Variants in TAMM41 observed in about 807,000 individuals in gnomAD.
The protein encoded by TAMM41 is TAM41 mitochondrial translocator assembly and maintenance homolog, also known as phosphatidate cytidylyltransferase, mitochondrial.
A neutral mutation model predicts 44.1 loss-of-function variants in TAMM41; 36 were observed. That is an observed-to-expected ratio of 0.82 (90% CI 0.63 to 1.08). The LOEUF (loss-of-function observed/expected upper bound fraction) is 1.08, where lower values mean the gene tolerates loss of function less well. Among genes scored for constraint, TAMM41 ranks in the 50% least tolerant of loss-of-function variants. The pLI, the probability that TAMM41 is intolerant of heterozygous loss-of-function variation, is 0.00. For missense variants in TAMM41, 417 were observed against 404.3 expected (o/e 1.03, Z -0.27); for synonymous variants, 164 against 153.1 (o/e 1.07, Z -0.53).
the TAMM41 span, among the ~76,000 whole-genome samples, chr3:11,771,535 C>T: frequency 2.1e-4 from 32 of 152,126 alleles, no homozygotes; most frequent in African/African-American, 5.8e-4. Context: ...TGCTTTTTGT[C>T]GCCCAGGCTG....
the TAMM41 span, among the ~76,000 whole-genome samples, chr3:11,729,008 C>T: frequency 8.6e-6 from 1 of 116,142 alleles, no homozygotes; most frequent in African/African-American, 3.3e-5. Context: ...GACTCTGTCT[C>T]AAAAAAAAAA....
At chr3:11,831,614 T>A (rs1006858328) in intron 3 of TAMM41, among the ~76,000 whole-genome samples, 1 of 152,170 alleles carries the variant, frequency 6.6e-6, no homozygotes, top group Admixed American at 6.5e-5. Context: ...AAAATTAAGA[T>A]AGCACATAAA....
chr3:11,838,046 C>A (rs1287131394), intron 3 of TAMM41, among the ~76,000 whole-genome samples: 1 of 152,184 alleles, frequency 6.6e-6, no homozygotes, highest in Admixed American at 6.5e-5. Flanking sequence ...AGAGTCAGAT[C>A]CCACAGGTTA....
intron 6 of TAMM41, chr3:11,809,281 C>G (rs2078014753): frequency 1.9e-6 from 1 of 530,710 alleles, no homozygotes; most frequent in South Asian, 2.4e-5. Flanking sequence ...TTGTTTCTCC[C>G]TTTGACAGTG....
At chr3:11,845,576 G>A (rs1575739752) in intron 1 of TAMM41, among the ~76,000 whole-genome samples, 1 of 152,138 alleles carries the variant, frequency 6.6e-6, no homozygotes, top group East Asian at 1.9e-4. Context: ...GGTAAATTCG[G>A]GAAAAATAAC....
the TAMM41 span, among the ~76,000 whole-genome samples, chr3:11,768,951 T>C: frequency 6.6e-6 from 1 of 152,066 alleles, no homozygotes; most frequent in African/African-American, 2.4e-5. Context: ...ATTTGACAGA[T>C]GGTGAAAGGA....
At chr3:11,783,158 G>A in the TAMM41 span, among the ~76,000 whole-genome samples, 1 of 152,206 alleles carries the variant, frequency 6.6e-6, no homozygotes, top group African/African-American at 2.4e-5. Flanking sequence ...CTCATTTAGT[G>A]GTCACTTGGG....
chr3:11,836,034 G>C (rs1471118176), intron 3 of TAMM41, among the ~76,000 whole-genome samples: 2 of 146,402 alleles, frequency 1.4e-5, no homozygotes, highest in African/African-American at 5.1e-5. Flanking sequence ...GCGTCACCTA[G>C]GCTGGAGTGC....
At chr3:11,725,396 C>CTTT in the TAMM41 span, among the ~76,000 whole-genome samples, 1 of 134,650 alleles carries the variant, frequency 7.4e-6, no homozygotes, top group Non-Finnish European at 1.6e-5. Flanking sequence ...CCTTCTTTTT[C>CTTT]TTCTTCCTCT....
chr3:11,744,580 A>AG, the TAMM41 span, among the ~76,000 whole-genome samples: 4 of 151,942 alleles, frequency 2.6e-5, no homozygotes, highest in African/African-American at 9.7e-5. Context: ...CTGTAACCGC[A>AG]GCTACTCAGG....
the TAMM41 span, among the ~76,000 whole-genome samples, chr3:11,782,606 G>A: frequency 6.6e-6 from 1 of 151,764 alleles, no homozygotes; most frequent in African/African-American, 2.4e-5. Context: ...AGTAGGATAA[G>A]GATTAAGTGA....
At chr3:11,727,247 AC>A in the TAMM41 span, among the ~76,000 whole-genome samples, 1 of 152,094 alleles carries the variant, frequency 6.6e-6, no homozygotes, top group Non-Finnish European at 1.5e-5. Context: ...CTAGAATTAA[AC>A]CCTGGTGGTC....
At chr3:11,816,696 G>T (rs2078290277) in intron 5 of TAMM41, among the ~76,000 whole-genome samples, 1 of 152,082 alleles carries the variant, frequency 6.6e-6, no homozygotes, top group Non-Finnish European at 1.5e-5. Flanking sequence ...ATCCCAGGCT[G>T]GGGGGTGTTG....
At chr3:11,813,300 C>T (rs2078148131) in intron 5 of TAMM41, among the ~76,000 whole-genome samples, 1 of 152,078 alleles carries the variant, frequency 6.6e-6, no homozygotes. Context: ...GAGGCTGAAG[C>T]GGGCAGATTA....
chr3:11,774,834 C>G, the TAMM41 span, among the ~76,000 whole-genome samples: 3 of 151,610 alleles, frequency 2.0e-5, no homozygotes, highest in Non-Finnish European at 4.4e-5. Flanking sequence ...AATAAATTCC[C>G]AAATCCTCAT....
Position 11,807,107 on chromosome 3 carries a change from C to T in TAMM41, c.937+726G>A, listed in dbSNP as rs577325728. The T allele has an allele frequency of 2.2e-5, 20 of 920,982 alleles. 1 individual carries two copies. In the South Asian group the frequency reaches 9.5e-4, roughly 44 times the overall value. The allele number at this position is 920,982 out of a possible 1,614,324, so 57.1% of individuals were successfully genotyped here. The stretch of plus-strand genomic sequence containing the variant: ...TGTGCTTCACCAAAATGAGAGTGTG[C>T]ACCAAGCAAGTGAAAGACATGAGAT... On this transcript the variant is annotated intron_variant, in intron 7 of 7. Transcript: ENST00000455809.
At chr3:11,836,200 A>G (rs2079168873) in intron 3 of TAMM41, among the ~76,000 whole-genome samples, 1 of 152,040 alleles carries the variant, frequency 6.6e-6, no homozygotes, top group African/African-American at 2.4e-5. Flanking sequence ...CATGTTGTCC[A>G]GGCTGTTCTC....
Position 11,792,185 on chromosome 3 carries a change from TG to T in TAMM41, c.938-1605del, listed in dbSNP as rs1395829921. 3.5e-3 allele frequency among the ~76,000 whole-genome samples: 525 copies of T among 152,096 alleles called. 1 individual carries two copies. Among genetic ancestry groups the T allele is most frequent in the African/African-American group, 0.012 (508 of 41,444 alleles). On this transcript the variant is annotated intron_variant, in intron 7 of 7. Coordinates refer to ENST00000455809, the MANE Select transcript of TAMM41 (RefSeq NM_001284401.2). ...TCACCATGTAGCCATTTTTTTTTTT[TG>T]TTGCTGCTAGTGGACAGAAATCTCC...
At chr3:11,725,175 C>G in the TAMM41 span, among the ~76,000 whole-genome samples, 1 of 119,456 alleles carries the variant, frequency 8.4e-6, no homozygotes, top group South Asian at 3.3e-4. Flanking sequence ...CCTCCTTGTT[C>G]TCTTCCCTCT....
Sources: gnomAD v4.1 joint callset for allele counts (sites outside exome capture counted in the v4.1 genomes callset) on GRCh38, gnomAD v4.1.1 for gene constraint, MANE v1.5 for transcripts, NCBI Gene and HGNC (gene_info 2026-07-23, HGNC 2026-07-21) for gene names.